AGBL1: variants seen among roughly 807,000 people sequenced by gnomAD.
AGBL1 encodes AGBL carboxypeptidase 1, also known as cytosolic carboxypeptidase 4.
In AGBL1, 130 loss-of-function variants were observed where a neutral mutation model predicts 118.9. The observed-to-expected ratio is 1.09, with a 90% CI of 0.95 to 1.26. The LOEUF is 1.26. Ranked by LOEUF, AGBL1 falls within the 50% of genes most tolerant of loss-of-function variation. AGBL1 has a pLI of 0.00. For synonymous variants in AGBL1, 555 were observed against 478.9 expected (o/e 1.16, Z -2.08); for missense variants, 1,584 against 1,298.1 (o/e 1.22, Z -3.38).
intron 21 of AGBL1, among the ~76,000 whole-genome samples, chr15:86,571,822 G>A (rs1344775798): frequency 6.6e-6 from 1 of 152,134 alleles, no homozygotes; most frequent in East Asian, 1.9e-4. Flanking sequence ...CCAGCCCCCA[G>A]GCTTCAGGCC....
chr15:86,458,568 C>T (rs1196806442), intron 18 of AGBL1, among the ~76,000 whole-genome samples: 12 of 152,180 alleles, frequency 7.9e-5, no homozygotes, highest in Admixed American at 7.9e-4. Context: ...TACACTAACA[C>T]CATTTGTCAC....
chr15:86,973,661 A>G (rs1044229751), intron 23 of AGBL1, among the ~76,000 whole-genome samples: 53 of 151,974 alleles, frequency 3.5e-4, no homozygotes, highest in African/African-American at 1.1e-3. Context: ...AGCAACTTCT[A>G]TTCTCCAGGC....
intron 18 of AGBL1, among the ~76,000 whole-genome samples, chr15:86,488,300 C>A (rs1414394169): frequency 6.6e-6 from 1 of 151,922 alleles, no homozygotes; most frequent in Non-Finnish European, 1.5e-5. Context: ...CATTCCATCC[C>A]AACTGAAAAG....
intron 22 of AGBL1, among the ~76,000 whole-genome samples, chr15:86,780,902 A>G (rs1052642650): frequency 1.3e-5 from 2 of 152,108 alleles, no homozygotes; most frequent in Non-Finnish European, 2.9e-5. Flanking sequence ...TCCTGACCTC[A>G]GGTGATCCAC....
At chr15:86,520,821 C>A (rs539840756) in intron 18 of AGBL1, among the ~76,000 whole-genome samples, 11 of 152,294 alleles carry the variant, frequency 7.2e-5, no homozygotes, top group Non-Finnish European at 1.6e-4. Context: ...GTTGTGCCTG[C>A]AAGTACCTTG....
intron 1 of AGBL1, among the ~76,000 whole-genome samples, chr15:86,099,994 A>C (rs1402427870): frequency 6.6e-6 from 1 of 151,754 alleles, no homozygotes; most frequent in African/African-American, 2.4e-5. Context: ...TATTAAGTTG[A>C]AGTGTTTCTT....
At chr15:86,967,039 G>C (rs1351978161) in intron 23 of AGBL1, among the ~76,000 whole-genome samples, 1 of 152,090 alleles carries the variant, frequency 6.6e-6, no homozygotes, top group Non-Finnish European at 1.5e-5. Flanking sequence ...GAGATGGTAT[G>C]TCGTTGTGGT....
intron 17 of AGBL1, among the ~76,000 whole-genome samples, chr15:86,366,080 A>T (rs1177000015): frequency 1.3e-5 from 2 of 152,132 alleles, no homozygotes; most frequent in South Asian, 2.1e-4. Context: ...ATTTTCATAA[A>T]CTTGCTCAGG....
intron 22 of AGBL1, among the ~76,000 whole-genome samples, chr15:86,881,613 G>A (rs771456234): frequency 1.3e-5 from 2 of 152,120 alleles, no homozygotes; most frequent in Non-Finnish European, 2.9e-5. Flanking sequence ...AGGGGAGGAG[G>A]AAGATGGCAG....
rs553867984 is a variant in AGBL1, at chr15:86,381,693, G to A, written c.2375-15673G>A. On this transcript the variant is annotated intron_variant, in intron 17 of 22. Transcript: ENST00000614907. ...GGAAATCCCAGAATGGGTGAAACAC[G>A]ACGTAACCAGAAGTCCAAGGGAGCT... is the stretch of plus-strand genomic sequence containing the variant. Among the ~76,000 whole-genome samples, 251 of 152,290 alleles carry A rather than the reference G, an allele frequency of 1.6e-3. 6 individuals are homozygous for A. In the South Asian group the frequency reaches 0.047, roughly 28 times the overall value.
At chr15:86,993,256 C>G (rs1346799877) in intron 24 of AGBL1, among the ~76,000 whole-genome samples, 1 of 152,022 alleles carries the variant, frequency 6.6e-6, no homozygotes, top group Non-Finnish European at 1.5e-5. Context: ...TCCTTGTAAC[C>G]CCAGTTTATT....
intron 5 of AGBL1, among the ~76,000 whole-genome samples, chr15:86,206,174 T>G (rs1344702374): frequency 6.6e-6 from 1 of 152,200 alleles, no homozygotes; most frequent in Non-Finnish European, 1.5e-5. Context: ...TAGTATTCCA[T>G]AGTGTATATT....
chr15:86,470,194 T>C (rs751806309), intron 18 of AGBL1, among the ~76,000 whole-genome samples: 1 of 152,196 alleles, frequency 6.6e-6, no homozygotes, highest in Non-Finnish European at 1.5e-5. Flanking sequence ...CTAATAGTTT[T>C]ACAATTTTGG....
intron 5 of AGBL1, among the ~76,000 whole-genome samples, chr15:86,198,378 G>GT: frequency 6.6e-6 from 1 of 152,290 alleles, no homozygotes; most frequent in East Asian, 1.9e-4. Flanking sequence ...TGAGAATTTG[G>GT]ACTTGAGATT....
At chr15:86,600,871 A>T (rs2084482383) in intron 21 of AGBL1, among the ~76,000 whole-genome samples, 1 of 151,986 alleles carries the variant, frequency 6.6e-6, no homozygotes. Context: ...CATTCTAAAC[A>T]CTACTGCAGT....
chr15:86,205,615 C>G (rs551420596), intron 5 of AGBL1, among the ~76,000 whole-genome samples: 1 of 152,158 alleles, frequency 6.6e-6, no homozygotes, highest in South Asian at 2.1e-4. Context: ...CACCATTCGT[C>G]GGTATTGTCA....
chr15:86,469,571 G>T (rs1483892726), intron 18 of AGBL1, among the ~76,000 whole-genome samples: 1 of 152,104 alleles, frequency 6.6e-6, no homozygotes, highest in Non-Finnish European at 1.5e-5. Context: ...TGGACATACT[G>T]ATGTCATTTC....
chr15:86,200,249 T>TA (rs1218594944), intron 5 of AGBL1, among the ~76,000 whole-genome samples: 1 of 152,062 alleles, frequency 6.6e-6, no homozygotes, highest in Non-Finnish European at 1.5e-5. Flanking sequence ...CACATATACA[T>TA]AAAAAAAGAA....
intron 17 of AGBL1, among the ~76,000 whole-genome samples, chr15:86,298,325 A>T (rs28683164): frequency 0.022 from 3,053 of 136,014 alleles, 177 homozygotes; most frequent in African/African-American, 0.087. Context: ...AGGTAACTAT[A>T]TATATGGTAA....
Sources: gnomAD v4.1 joint callset for allele counts (sites outside exome capture counted in the v4.1 genomes callset) on GRCh38, gnomAD v4.1.1 for gene constraint, MANE v1.5 for transcripts, NCBI Gene and HGNC (gene_info 2026-07-23, HGNC 2026-07-21) for gene names.